ITGB3BP: variants seen among roughly 807,000 people sequenced by gnomAD.
ITGB3BP encodes the protein centromere protein R.
Under a neutral mutation model 29.1 loss-of-function variants are expected in ITGB3BP, and 27 were observed. The ratio of observed to expected loss-of-function variants is 0.93; its 90% CI spans 0.68 to 1.28. ITGB3BP has a LOEUF of 1.28. Among genes scored for constraint, ITGB3BP ranks in the 50% most tolerant of loss-of-function variants. The probability of loss-of-function intolerance (pLI) is 0.00; values close to 1 mark genes in which losing one functional copy is unlikely to be tolerated. For missense variants in ITGB3BP, 192 were observed against 200.2 expected, an observed-to-expected ratio of 0.96 and a Z score of 0.25; for synonymous variants, 61 against 61.4, an observed-to-expected ratio of 0.99 and a Z score of 0.03.
intron 3 of ITGB3BP, among the ~76,000 whole-genome samples, chr1:63,481,058 AAATT>A (rs922896804): frequency 1.0e-3 from 156 of 152,246 alleles, no homozygotes; most frequent in African/African-American, 3.5e-3. Context: ...TAAGGCTCCA[AAATT>A]AAGTATTAAA....
At chr1:63,469,130 C>T (rs543859628) in intron 4 of ITGB3BP, among the ~76,000 whole-genome samples, 31 of 151,452 alleles carry the variant, frequency 2.0e-4, no homozygotes, top group African/African-American at 6.0e-4. Flanking sequence ...GTTTCTTCAC[C>T]GTTGTTAGGG....
intron 3 of ITGB3BP, among the ~76,000 whole-genome samples, chr1:63,481,381 A>G (rs1212506967): frequency 7.9e-5 from 12 of 152,208 alleles, no homozygotes; most frequent in Non-Finnish European, 1.5e-5. Flanking sequence ...GAGTAATACA[A>G]CATATTGAGT....
chr1:63,502,009 C>A (rs567600110), intron 2 of ITGB3BP, among the ~76,000 whole-genome samples: 2 of 152,308 alleles, frequency 1.3e-5, no homozygotes, highest in South Asian at 2.1e-4. Flanking sequence ...AAGAAGTATG[C>A]TCTTCTCTTC....
chr1:63,458,535 T>C (rs557179754), intron 4 of ITGB3BP, among the ~76,000 whole-genome samples: 57 of 152,200 alleles, frequency 3.7e-4, no homozygotes, highest in African/African-American at 1.1e-3. Flanking sequence ...CAGTGATTTA[T>C]AGATTCCCTC....
chr1:63,487,316 A>C (rs1391133949), intron 3 of ITGB3BP, among the ~76,000 whole-genome samples: 1 of 152,074 alleles, frequency 6.6e-6, no homozygotes, highest in Non-Finnish European at 1.5e-5. Context: ...CATGTTGTTC[A>C]AGGGTCAACT....
At chr1:63,528,929 A>T (rs1646645266) in intron 2 of ITGB3BP, among the ~76,000 whole-genome samples, 2 of 152,004 alleles carry the variant, frequency 1.3e-5, no homozygotes, top group Non-Finnish European at 2.9e-5. Context: ...ATCTTTGCAC[A>T]CTAAGCCTTT....
chr1:63,476,779 T>G (rs2100616689), intron 4 of ITGB3BP, among the ~76,000 whole-genome samples: 1 of 152,356 alleles, frequency 6.6e-6, no homozygotes, highest in Admixed American at 6.5e-5. Context: ...AGAAATTAAT[T>G]TGGTTTAGCA....
At chr1:63,458,367 G>A (rs1644965335) in intron 4 of ITGB3BP, 1 of 152,018 alleles carries the variant, frequency 6.6e-6, no homozygotes, top group Non-Finnish European at 1.5e-5. Flanking sequence ...GTATTCTGAG[G>A]AGAGAACTAA....
chr1:63,476,526 A>T (rs766976713), intron 4 of ITGB3BP, among the ~76,000 whole-genome samples: 1 of 152,208 alleles, frequency 6.6e-6, no homozygotes, highest in Non-Finnish European at 1.5e-5. Context: ...TTCCTATGTG[A>T]CTCATAACAA....
intron 3 of ITGB3BP, among the ~76,000 whole-genome samples, chr1:63,488,388 TATC>T (rs929231421): frequency 1.3e-5 from 2 of 152,032 alleles, no homozygotes; most frequent in African/African-American, 2.4e-5. Context: ...TTTTGGATCT[TATC>T]ATAAGTGTGA....
intron 1 of ITGB3BP, among the ~76,000 whole-genome samples, chr1:63,519,448 G>A (rs974945333): frequency 2.0e-5 from 3 of 152,008 alleles, no homozygotes; most frequent in Non-Finnish European, 4.4e-5. Context: ...TAAATAGACA[G>A]GTGAGAGCCA....
intron 8 of ITGB3BP, among the ~76,000 whole-genome samples, 158 bp from the exon 9 acceptor site, chr1:63,441,261 A>T (rs892374440): frequency 1.3e-5 from 2 of 152,068 alleles, no homozygotes; most frequent in African/African-American, 2.4e-5. Context: ...TTCTTTTGAG[A>T]CGGAGTCTCA....
At chr1:63,474,890 A>T (rs1292243917) in intron 4 of ITGB3BP, among the ~76,000 whole-genome samples, 4 of 116 alleles carry the variant, frequency 0.034, no homozygotes, top group Non-Finnish European at 0.5. Context: ...AATGATCAAT[A>T]AAAAAAAAAA....
At chr1:63,493,100 G>C (rs950024970) in intron 2 of ITGB3BP, among the ~76,000 whole-genome samples, 2 of 149,466 alleles carry the variant, frequency 1.3e-5, no homozygotes, top group African/African-American at 4.9e-5. Flanking sequence ...GCGCGCGCGC[G>C]CAAGAAAATA....
At chr1:63,492,033 T>G (rs986708169) in intron 2 of ITGB3BP, among the ~76,000 whole-genome samples, 2 of 152,168 alleles carry the variant, frequency 1.3e-5, no homozygotes, top group African/African-American at 4.8e-5. Flanking sequence ...GTCACTACCC[T>G]AATGTACATC....
chr1:63,456,160 AC>A (rs1379618266), intron 4 of ITGB3BP, among the ~76,000 whole-genome samples: 1 of 152,160 alleles, frequency 6.6e-6, no homozygotes, highest in Non-Finnish European at 1.5e-5. Context: ...TTAGTCATTG[AC>A]ATTTTTGTTA....
intron 3 of ITGB3BP, among the ~76,000 whole-genome samples, chr1:63,486,773 C>T (rs1325923081): frequency 2.0e-5 from 3 of 151,894 alleles, no homozygotes; most frequent in Non-Finnish European, 4.4e-5. Flanking sequence ...CCAGCATAGC[C>T]CTAAACATGA....
chr1:63,463,669 A>T (rs973489732), intron 4 of ITGB3BP, among the ~76,000 whole-genome samples: 1 of 152,228 alleles, frequency 6.6e-6, no homozygotes, highest in Non-Finnish European at 1.5e-5. Flanking sequence ...AATCGCAGTA[A>T]ATTATATATA....
intron 4 of ITGB3BP, among the ~76,000 whole-genome samples, chr1:63,468,862 AAAATAAATAAAT>A (rs71045901): frequency 0.25 from 34,555 of 139,226 alleles, 4,831 homozygotes; most frequent in Non-Finnish European, 0.31. Flanking sequence ...ACTCTGTCTC[AAAATAAATAAAT>A]AAATAAATAA....
Sources: gnomAD v4.1 joint callset for allele counts (sites outside exome capture counted in the v4.1 genomes callset) on GRCh38, gnomAD v4.1.1 for gene constraint, MANE v1.5 for transcripts, NCBI Gene and HGNC (gene_info 2026-07-23, HGNC 2026-07-21) for gene names.